SUCLG2: variants seen among roughly 807,000 people sequenced by gnomAD.
SUCLG2 encodes succinate--CoA ligase [GDP-forming] subunit beta, mitochondrial.
In SUCLG2, 42 loss-of-function variants were observed where a neutral mutation model predicts 47.9. The ratio of observed to expected loss-of-function variants is 0.88; its 90% CI spans 0.69 to 1.14. SUCLG2 has a LOEUF of 1.14. Ranked by LOEUF, SUCLG2 falls within the 50% of genes most tolerant of loss-of-function variation. The pLI is 0.00. For synonymous variants in SUCLG2, 195 were observed against 197.3 expected (o/e 0.99, Z 0.10); for missense variants, 571 against 525.9 (o/e 1.09, Z -0.84).
rs1708095612 is a variant in SUCLG2, at chr3:67,589,142, C to A, written c.226+20313G>T. Reference sequence around the variant, plus strand: ...CACTTGGAATGCCCTTCCCTTAGATCTTCTTGCAGCTGTTGAGCATTCACA... The same window carrying A: ...CACTTGGAATGCCCTTCCCTTAGATATTCTTGCAGCTGTTGAGCATTCACA... On this transcript the variant is annotated intron_variant, in intron 2 of 10. Transcript: ENST00000307227. Among the ~76,000 whole-genome samples, 5 of 152,190 alleles carry A rather than the reference C, an allele frequency of 3.3e-5. No individual in the cohort carries two copies. The South Asian group carries it at 1.0e-3, about 32-fold the overall frequency.
At chr3:67,422,771 T>C (rs1429264723) in intron 9 of SUCLG2, among the ~76,000 whole-genome samples, 1 of 152,152 alleles carries the variant, frequency 6.6e-6, no homozygotes, top group Non-Finnish European at 1.5e-5. Flanking sequence ...GTGGACTTTT[T>C]ATTGTCTGTG....
At chr3:67,422,977 TA>T (rs1703207514) in intron 9 of SUCLG2, among the ~76,000 whole-genome samples, 1 of 152,186 alleles carries the variant, frequency 6.6e-6, no homozygotes, top group Non-Finnish European at 1.5e-5. Flanking sequence ...ACAAATTTAT[TA>T]GGCTGAAGAA....
At chr3:67,503,992 T>C (rs1464743453) in intron 7 of SUCLG2, among the ~76,000 whole-genome samples, 7 of 152,086 alleles carry the variant, frequency 4.6e-5, no homozygotes, top group African/African-American at 1.7e-4. Flanking sequence ...AACTTACACA[T>C]AAAAGGAACA....
intron 2 of SUCLG2, among the ~76,000 whole-genome samples, chr3:67,578,214 T>C (rs1345019830): frequency 1.4e-5 from 2 of 147,436 alleles, no homozygotes; most frequent in Non-Finnish European, 3.0e-5. Context: ...ATATATTTTA[T>C]ATATATTTCA....
At chr3:67,396,931 A>G (rs567593390) in intron 10 of SUCLG2, among the ~76,000 whole-genome samples, 37 of 152,250 alleles carry the variant, frequency 2.4e-4, no homozygotes, top group African/African-American at 8.7e-4. Flanking sequence ...CCACATGATT[A>G]TCTCAATAGA....
intron 6 of SUCLG2, among the ~76,000 whole-genome samples, chr3:67,515,915 A>G (rs943879759): frequency 6.6e-6 from 1 of 152,070 alleles, no homozygotes; most frequent in African/African-American, 2.4e-5. Flanking sequence ...AACTTCCAAC[A>G]TGTCTACAGC....
intron 10 of SUCLG2, among the ~76,000 whole-genome samples, chr3:67,382,516 T>C (rs1451548460): frequency 6.6e-6 from 1 of 152,234 alleles, no homozygotes; most frequent in Non-Finnish European, 1.5e-5. Context: ...TGGCAAGTTC[T>C]AGTTTTTGGG....
At chr3:67,450,088 C>T (rs1333114022) in intron 9 of SUCLG2, among the ~76,000 whole-genome samples, 1 of 152,054 alleles carries the variant, frequency 6.6e-6, no homozygotes, top group East Asian at 1.9e-4. Context: ...GTTGCCCAGG[C>T]TGAAGTGCAG....
chr3:67,374,533 T>C (rs926901449), downstream of SUCLG2, among the ~76,000 whole-genome samples: 2 of 152,138 alleles, frequency 1.3e-5, no homozygotes, highest in South Asian at 2.1e-4. Flanking sequence ...ATAACTTTTA[T>C]GGATTCAATA....
rs755695415 is a variant in SUCLG2 at position 67,456,262 on chromosome 3, TA to T, written c.1062+39535del. 4.7e-4 allele frequency among the ~76,000 whole-genome samples: 72 copies of T among 152,208 alleles called. 1 individual carries two copies. In the Middle Eastern group the frequency reaches 0.01, roughly 22 times the overall value. ...CTCTCTTCCTTTATTACCAATCAAA[TA>T]AAAAATTAATTGGGTCAAAAATATA... On this transcript the variant is annotated intron_variant, in intron 9 of 10. Transcript: ENST00000307227.
chr3:67,573,129 G>A (rs572303489), intron 2 of SUCLG2, among the ~76,000 whole-genome samples: 13 of 152,072 alleles, frequency 8.5e-5, no homozygotes, highest in South Asian at 4.2e-4. Context: ...AAAGACATAC[G>A]CTTGAAAACC....
intron 10 of SUCLG2, among the ~76,000 whole-genome samples, chr3:67,397,083 A>G (rs1356566721): frequency 1.3e-5 from 2 of 151,116 alleles, no homozygotes; most frequent in African/African-American, 4.9e-5. Flanking sequence ...ATGGGCAAAA[A>G]CTGGAAGCAT....
At chr3:67,492,162 C>T (rs954000237) in intron 9 of SUCLG2, among the ~76,000 whole-genome samples, 1 of 152,160 alleles carries the variant, frequency 6.6e-6, no homozygotes, top group Non-Finnish European at 1.5e-5. Flanking sequence ...TTTACTAATG[C>T]CAATCGTGTA....
intron 10 of SUCLG2, among the ~76,000 whole-genome samples, chr3:67,392,433 AC>A (rs1454569766): frequency 6.6e-6 from 1 of 152,242 alleles, no homozygotes. Flanking sequence ...TAAACATTAG[AC>A]AAAGGCTCAC....
chr3:67,519,968 A>C (rs774449876), intron 5 of SUCLG2, among the ~76,000 whole-genome samples: 6 of 152,178 alleles, frequency 3.9e-5, no homozygotes, highest in Non-Finnish European at 7.3e-5. Flanking sequence ...AATATCAATA[A>C]ATGAGTCAAG....
intron 9 of SUCLG2, among the ~76,000 whole-genome samples, chr3:67,413,581 T>C (rs1246831262): frequency 6.6e-6 from 1 of 152,192 alleles, no homozygotes; most frequent in Non-Finnish European, 1.5e-5. Flanking sequence ...AAATAAACTG[T>C]GTCATTGAGC....
chr3:67,466,238 TG>T (rs1704467389), intron 9 of SUCLG2, among the ~76,000 whole-genome samples: 1 of 152,058 alleles, frequency 6.6e-6, no homozygotes, highest in African/African-American at 2.4e-5. Flanking sequence ...CTGTAATCCC[TG>T]CTACTCAGGA....
chr3:67,653,523 A>T (rs1399101269), intron 1 of SUCLG2, among the ~76,000 whole-genome samples: 1 of 152,232 alleles, frequency 6.6e-6, no homozygotes, highest in East Asian at 1.9e-4. Context: ...ACTATTTTTT[A>T]AATTTTCTAA....
intron 1 of SUCLG2, 87 bp downstream of exon 1, chr3:67,654,416 G>A: frequency 9.1e-7 from 1 of 1,098,374 alleles, no homozygotes; most frequent in Non-Finnish European, 1.2e-6. Context: ...AGGGGGTCAG[G>A]CGGAGACCAA....
Sources: gnomAD v4.1 joint callset for allele counts (sites outside exome capture counted in the v4.1 genomes callset) on GRCh38, gnomAD v4.1.1 for gene constraint, MANE v1.5 for transcripts, NCBI Gene and HGNC (gene_info 2026-07-23, HGNC 2026-07-21) for gene names.